Variants in CRLF2 observed in about 807,000 individuals in gnomAD.
CRLF2 encodes cytokine receptor like factor 2, also known as cytokine receptor-like factor 2.
In CRLF2, 41 loss-of-function variants were observed where a neutral mutation model predicts 38.7. The ratio of observed to expected loss-of-function variants is 1.06; its 90% confidence interval spans 0.83 to 1.37. The LOEUF is 1.37. Among genes scored for constraint, CRLF2 ranks in the 40% most tolerant of loss-of-function variants. The pLI, the probability that CRLF2 is intolerant of heterozygous loss-of-function variation, is 0.00. For missense variants in CRLF2, 377 were observed against 322.2 expected (o/e 1.17, Z -1.30); for synonymous variants, 140 against 128.8 (o/e 1.09, Z -0.59).
In CRLF2 at chrX:1,206,467, G is replaced by A. The variant is rs768091891; in HGVS notation, c.315C>T (p.Pro105=). 134 of 1,613,592 alleles carry A rather than the reference G, an allele frequency of 8.3e-5. No homozygotes were observed. Among genetic ancestry groups the A allele is most frequent in the East Asian group, 3.1e-4 (14 of 44,874 alleles). The part of the protein sequence containing the change: ...LYFSIRNGTH[P]VFTASRWMVY... ...CCATCCAGCGACTTGCGGTGAAAAC[G>A]GGGTGCGTCCCATTCCTGATGGAGA... The change falls in exon 3 of 8, where the codon CCC becomes CCT. Residue 105 remains proline (P), a synonymous_variant. Coordinates refer to ENST00000400841, the MANE Select transcript of CRLF2 (RefSeq NM_022148.4).
chrX:1,191,345 C>CTTTCTTTCTTTCTTTCTTT (rs1170193719), intron 7 of CRLF2, among the ~76,000 whole-genome samples, 185 bp from the exon 8 acceptor site: 2 of 111,092 alleles, frequency 1.8e-5, no homozygotes, highest in East Asian at 2.8e-4. Flanking sequence ...TTCTTTCTTT[C>CTTTCTTTCTTTCTTTCTTT]CTTCTTTCTT....
chrX:1,199,266 T>G (rs1433628068), intron 4 of CRLF2: 1 of 152,902 alleles, frequency 6.5e-6, no homozygotes, highest in Non-Finnish European at 1.5e-5. Context: ...CATGAGCCAC[T>G]GTGCCTGGCC....
intron 1 of CRLF2, 96 bp downstream of exon 1, chrX:1,212,460 A>T (rs1235059496): frequency 5.1e-6 from 4 of 785,224 alleles, no homozygotes; most frequent in Non-Finnish European, 8.5e-6. Flanking sequence ...AGAAACCTCC[A>T]TGCTCATTGT....
In CRLF2 at chrX:1,206,549, T is replaced by C; in HGVS notation, c.233A>G (p.Glu78Gly). The C allele has an allele frequency of 6.2e-7, 1 of 1,613,698 alleles. No homozygotes were observed. The highest frequency in any genetic ancestry group is 8.5e-7 in the Non-Finnish European group (1 of 1,179,664). The part of the protein sequence containing the change: ...YDQCTNYLLQ[E>G]GHTSGCLLDA... ...TAGGAGGCACCCCGAAGTGTGACCT[T>C]CCTGGAGAAGGTAGTTGGTGCACTG... The change falls in exon 3 of 8, where the codon GAA (glutamate) becomes GGA (glycine). Residue 78 changes from glutamate to glycine, a missense_variant. Coordinates refer to ENST00000400841, the MANE Select transcript of CRLF2 (RefSeq NM_022148.4).
chrX:1,208,281 G>A (rs1256944509), intron 2 of CRLF2, among the ~76,000 whole-genome samples: 1 of 152,012 alleles, frequency 6.6e-6, no homozygotes, highest in Non-Finnish European at 1.5e-5. Flanking sequence ...TTTTCAGTCC[G>A]GATGCCGTGG....
chrX:1,191,342 T>TTTCTTTCC (rs2086374703), intron 7 of CRLF2, among the ~76,000 whole-genome samples, 182 bp from the exon 8 acceptor site: 1 of 100,766 alleles, frequency 9.9e-6, no homozygotes, highest in African/African-American at 3.5e-5. Flanking sequence ...TCTTTCTTTC[T>TTTCTTTCC]TTCCTTCTTT....
chrX:1,201,357 T>G (rs1487399208), intron 4 of CRLF2, among the ~76,000 whole-genome samples: 2 of 150,722 alleles, frequency 1.3e-5, no homozygotes, highest in Admixed American at 6.6e-5. Context: ...TGTGTGTGTG[T>G]AGAGAGACAG....
intron 5 of CRLF2, among the ~76,000 whole-genome samples, 167 bp downstream of exon 5, chrX:1,198,395 A>C (rs1249031039): frequency 1.4e-4 from 8 of 58,344 alleles, no homozygotes; most frequent in Admixed American, 2.1e-4. Flanking sequence ...CCTCCCTCCC[A>C]CCTCGAAGGC....
rs758548819 is a variant in CRLF2, at chrX:1,212,542, GT to G, written c.79+13del. 30 of 1,600,942 alleles carry G rather than the reference GT, an allele frequency of 1.9e-5. No individual in the cohort carries two copies. In the African/African-American group the frequency reaches 4.0e-4, roughly 21 times the overall value. The stretch of plus-strand genomic sequence containing the variant: ...AACCAAAATACAACAAGAAGAGGGT[GT>G]TTAAATAATTACCTGCTCCTCCTTG... On this transcript the variant is annotated intron_variant, in intron 1 of 7. Transcript: ENST00000400841.
At chrX:1,194,039 C>T (rs1446150525) in intron 6 of CRLF2, among the ~76,000 whole-genome samples, 7 of 151,696 alleles carry the variant, frequency 4.6e-5, no homozygotes, top group East Asian at 1.9e-4. Flanking sequence ...GCAGGAGAAT[C>T]GCTTGAACCT....
intron 5 of CRLF2, 109 bp from the exon 6 acceptor site, chrX:1,197,009 G>T: frequency 3.3e-5 from 30 of 920,524 alleles, no homozygotes; most frequent in South Asian, 2.6e-4. Context: ...ATTTTTTGGT[G>T]TTCGTTTTTT....
Position 1,212,576 on chromosome X carries a change from G to A in CRLF2, c.59C>T (p.Ala20Val). 6.2e-7 allele frequency: 1 copy of A among 1,612,560 alleles called. No individual in the cohort carries two copies. Among genetic ancestry groups the A allele is most frequent in the Non-Finnish European group, 8.5e-7 (1 of 1,179,136 alleles). The change falls in exon 1 of 8, where the codon GCT (alanine) becomes GTT (valine). Residue 20 changes from alanine to valine, a missense_variant. Physicochemically the swap from Ala to Val is moderately conservative, Grantham distance 64. Coordinates refer to ENST00000400841, the MANE Select transcript of CRLF2 (RefSeq NM_022148.4). The part of the protein sequence containing the change: ...AAVFLLGGWM[A>V]LGQGGAAEGV... ...ATTACCTGCTCCTCCTTGCCCCAAA[G>A]CCATCCAGCCTCCCAGCAGAAAGAC...
chrX:1,192,586 CT>C (rs2086403965), intron 7 of CRLF2, among the ~76,000 whole-genome samples: 1 of 151,018 alleles, frequency 6.6e-6, no homozygotes, highest in Admixed American at 6.6e-5. Context: ...ATTTTTCTTT[CT>C]TCCTTCCTTT....
intron 6 of CRLF2, 125 bp downstream of exon 6, chrX:1,196,655 G>A: frequency 1.7e-6 from 2 of 1,205,836 alleles, no homozygotes; most frequent in East Asian, 2.5e-5. Flanking sequence ...CATCAGAAGA[G>A]TGGGCATTGT....
intron 1 of CRLF2, among the ~76,000 whole-genome samples, chrX:1,210,103 C>CAA (rs1290430150): frequency 1.6e-4 from 6 of 37,202 alleles, no homozygotes; most frequent in Non-Finnish European, 2.8e-4. Flanking sequence ...GACTCCCTAT[C>CAA]AAAAAAAAAA....
chrX:1,202,098 CATAG>C (rs1473950517), intron 4 of CRLF2, among the ~76,000 whole-genome samples: 21 of 151,596 alleles, frequency 1.4e-4, no homozygotes, highest in South Asian at 6.3e-4. Context: ...GATATAGATA[CATAG>C]ATAGAGGTAG....
At position 1,208,921 on chromosome X, in the gene CRLF2, AG is replaced by A; in HGVS notation, c.80-14del. On this transcript the variant is annotated splice_polypyrimidine_tract_variant and intron_variant, in intron 1 of 7. Transcript: ENST00000400841. ...TGTACTCCTTCTGCTAGACACAGAG[AG>A]ACGCATGAAGTTCACGGTGAGGCAA... 7.1e-7 allele frequency: 1 copy of A among 1,414,006 alleles called. No individual in the cohort carries two copies. Among genetic ancestry groups the A allele is most frequent in the Non-Finnish European group, 1.0e-6 (1 of 1,004,100 alleles). 87.6% of individuals were successfully genotyped at this position (1,414,006 alleles called of 1,614,324 possible).
rs1237206356 is a variant in CRLF2, at chrX:1,205,177, A to G, written c.349+1256T>C. Among the ~76,000 whole-genome samples, 6 of 152,166 alleles carry G rather than the reference A, an allele frequency of 3.9e-5. No individual in the cohort carries two copies. The South Asian group carries it at 1.2e-3, about 32-fold the overall frequency. On this transcript the variant is annotated intron_variant, in intron 3 of 7. Transcript: ENST00000400841. Reference sequence around the variant, plus strand: ...TCTCCCGGGGTCATCTGGTCTCCCCACTGGGGGCAGATTCAATCCCCAACC... The same window carrying G: ...TCTCCCGGGGTCATCTGGTCTCCCCGCTGGGGGCAGATTCAATCCCCAACC...
chrX:1,203,380 A>G (rs1463196495), intron 3 of CRLF2, among the ~76,000 whole-genome samples: 2 of 151,000 alleles, frequency 1.3e-5, no homozygotes, highest in Admixed American at 6.6e-5. Flanking sequence ...CCTGGAAGGA[A>G]CTGAATATAA....
Sources: gnomAD v4.1 joint callset for allele counts (sites outside exome capture counted in the v4.1 genomes callset) on GRCh38, gnomAD v4.1.1 for gene constraint, MANE v1.5 for transcripts, NCBI Gene and HGNC (gene_info 2026-07-23, HGNC 2026-07-21) for gene names.